The following DNAH8 variants were observed in gnomAD, a reference collection of about 807,000 sequenced individuals.
The protein encoded by DNAH8 is axonemal beta dynein heavy chain 8.
A neutral mutation model predicts 562.1 loss-of-function variants in DNAH8; 382 were observed. The ratio of observed to expected loss-of-function variants is 0.68; its 90% CI spans 0.63 to 0.74. The LOEUF is 0.74. Among genes scored for constraint, DNAH8 ranks in the 30% least tolerant of loss-of-function variants. The probability of loss-of-function intolerance (pLI) is 0.00; values close to 1 mark genes in which losing one functional copy is unlikely to be tolerated. For synonymous variants in DNAH8, 1,881 were observed against 1,919.4 expected, an observed-to-expected ratio of 0.98 and a Z score of 0.52; for missense variants, 5,203 against 5,620.4, an observed-to-expected ratio of 0.93 and a Z score of 2.37.
In DNAH8 at chr6:38,907,940, T is replaced by C. The variant is rs776404461; in HGVS notation, c.9349-16T>C. 1.9e-6 allele frequency: 3 copies of C among 1,572,424 alleles called. No homozygotes were observed. On this transcript the variant is annotated splice_polypyrimidine_tract_variant and intron_variant, in intron 63 of 92. Transcript: ENST00000327475. ...ACTCTTAAAACACAGAACACTTCCT[T>C]GTCCATTCCTTAAAGATCTCCAACT... is the stretch of plus-strand genomic sequence containing the variant.
intron 7 of DNAH8, among the ~76,000 whole-genome samples, chr6:38,740,586 A>G (rs1272657049): frequency 6.6e-6 from 1 of 152,088 alleles, no homozygotes; most frequent in Non-Finnish European, 1.5e-5. Flanking sequence ...TATTAATTGT[A>G]AAAAGTTTGT....
At chr6:38,926,590 A>C (rs573064862) in intron 74 of DNAH8, among the ~76,000 whole-genome samples, 24 of 152,280 alleles carry the variant, frequency 1.6e-4, no homozygotes, top group Admixed American at 4.6e-4. Context: ...TACTGAGTCC[A>C]GCTTTGGTGC....
intron 91 of DNAH8, among the ~76,000 whole-genome samples, chr6:39,025,139 C>G (rs1366645726): frequency 1.3e-5 from 2 of 152,242 alleles, no homozygotes; most frequent in East Asian, 1.9e-4. Context: ...ACTCCACACT[C>G]TCTCAGCCAT....
rs753974456 is a variant in DNAH8 at position 38,734,528 on chromosome 6, A to G, written c.665A>G (p.Tyr222Cys). ...ATKGAKMMKL[Y>C]IDNAAPDKLK... The stretch of plus-strand genomic sequence containing the variant: ...AAAGGGGCAAAAATGATGAAATTGT[A>G]TATAGACAATGCAGCCCCGGATAAA... Residue 222 changes from tyrosine to cysteine, a missense_variant, in exon 5 of 93, where the codon TAT becomes TGT. Around this residue, in one of 6 missense-constraint regions of DNAH8, gnomAD observed 556 missense variants for 496.9 expected, o/e 1.12. Coordinates refer to ENST00000327475, the MANE Select transcript of DNAH8 (RefSeq NM_001206927.2). The G allele has an allele frequency of 5.1e-5, 82 of 1,613,998 alleles. 2 individuals carry two copies. In the South Asian group the frequency reaches 8.6e-4, roughly 17 times the overall value.
rs1328443336 is a variant in DNAH8 at position 38,924,000 on chromosome 6, T to A, written c.10800T>A (p.Gly3600=). The change falls in exon 73 of 93, where the codon GGT becomes GGA. Residue 3600 remains glycine, a synonymous_variant. Transcript: ENST00000327475. ...EFKAQINRLV[G]DILLCTGFLS... ...TGTGTTTTCTTCACAGACTTGTAGG[T>A]GATATTCTGCTGTGCACGGGATTCC... 34 of 1,613,812 alleles carry A rather than the reference T, an allele frequency of 2.1e-5. No homozygotes were observed. The highest frequency in any genetic ancestry group is 2.9e-5 in the Non-Finnish European group (34 of 1,179,888).
At chr6:38,733,779 C>G (rs1246381968) in intron 4 of DNAH8, among the ~76,000 whole-genome samples, 1 of 151,720 alleles carries the variant, frequency 6.6e-6, no homozygotes, top group Non-Finnish European at 1.5e-5. Flanking sequence ...GGCATGATGG[C>G]GCGTGCTTGT....
intron 13 of DNAH8, among the ~76,000 whole-genome samples, chr6:38,776,473 C>T (rs1051924413): frequency 6.6e-6 from 1 of 152,166 alleles, no homozygotes; most frequent in African/African-American, 2.4e-5. Flanking sequence ...CCACCTCGGC[C>T]TCCCAAAGTG....
chr6:38,881,814 G>A (rs867349435), intron 53 of DNAH8, among the ~76,000 whole-genome samples: 9 of 152,204 alleles, frequency 5.9e-5, no homozygotes, highest in African/African-American at 2.2e-4. Flanking sequence ...GCCTCCCAAA[G>A]TGCTGGGTTT....
At chr6:38,791,505 G>A in intron 20 of DNAH8, 50 bp from the exon 21 acceptor site, 1 of 1,561,368 alleles carries the variant, frequency 6.4e-7, no homozygotes, top group Non-Finnish European at 8.6e-7. Flanking sequence ...TGAAAACCTA[G>A]CTCTAAAGGA....
intron 88 of DNAH8, among the ~76,000 whole-genome samples, chr6:38,999,197 G>C (rs1382175408): frequency 6.6e-6 from 1 of 152,122 alleles, no homozygotes; most frequent in African/African-American, 2.4e-5. Flanking sequence ...TGATTTATTA[G>C]GTGGGATCTA....
At chr6:38,938,346 C>A in intron 78 of DNAH8, 120 bp downstream of exon 78, 1 of 1,168,300 alleles carries the variant, frequency 8.6e-7, no homozygotes, top group Non-Finnish European at 1.2e-6. Context: ...AACCTAAATG[C>A]CCATCAACAG....
chr6:38,805,401 C>T (rs978084050), intron 22 of DNAH8, 80 bp from the exon 23 acceptor site: 1 of 846,372 alleles, frequency 1.2e-6, no homozygotes, highest in African/African-American at 1.7e-5. Context: ...AAGGAACTTC[C>T]TAAGAGGATT....
chr6:38,792,197 C>T (rs928897376), intron 21 of DNAH8, among the ~76,000 whole-genome samples: 2 of 152,164 alleles, frequency 1.3e-5, no homozygotes, highest in Non-Finnish European at 2.9e-5. Context: ...AAGTGATTCT[C>T]CTGCTTCAGC....
At position 38,722,877 on chromosome 6, in the gene DNAH8, C is replaced by T; in HGVS notation, c.68C>T (p.Ala23Val). The T allele has an allele frequency of 1.2e-6, 2 of 1,611,786 alleles. No homozygotes were observed. Among genetic ancestry groups the T allele is most frequent in the Non-Finnish European group, 8.5e-7 (1 of 1,179,408 alleles). The change falls in exon 2 of 93, where the codon GCT (alanine) becomes GTT (valine). Residue 23 changes from alanine to valine, a missense_variant. Ala to Val is a moderately conservative substitution (Grantham distance 64). Transcript: ENST00000327475. ...GAEAPPSTEE[A>V]APPRSEEEEA... Reference sequence around the variant, plus strand: ...GAGGCTCCTCCCTCTACGGAAGAGGCTGCCCCTCCCCGTTCAGAAGAGGAA... The same window carrying T: ...GAGGCTCCTCCCTCTACGGAAGAGGTTGCCCCTCCCCGTTCAGAAGAGGAA...
At chr6:38,896,614 CAA>C (rs1042787016) in intron 60 of DNAH8, among the ~76,000 whole-genome samples, 2 of 150,284 alleles carry the variant, frequency 1.3e-5, no homozygotes, top group African/African-American at 2.4e-5. Flanking sequence ...AACAAAAAAA[CAA>C]AAAAGAGAGA....
chr6:38,887,833 CTTT>C (rs538279493), intron 57 of DNAH8, among the ~76,000 whole-genome samples: 60 of 120,820 alleles, frequency 5.0e-4, no homozygotes, highest in Middle Eastern at 4.7e-3. Flanking sequence ...AAAGGGCAGA[CTTT>C]TTTTTTTTTT....
rs1399976095 is a variant in DNAH8 at position 39,012,535 on chromosome 6, T to C, written c.13612T>C (p.Phe4538Leu). Residue 4538 changes from phenylalanine to leucine, a missense_variant, in exon 91 of 93, where the codon TTC becomes CTC. By Grantham distance (22) the Phe-to-Leu change is conservative. This residue lies in a region of DNAH8 where 1,399 missense variants were observed against 1,518.4 expected (regional missense o/e 0.92). Coordinates refer to ENST00000327475, the MANE Select transcript of DNAH8 (RefSeq NM_001206927.2). Reference protein sequence around the residue: ...RVSWDSSTLGFWFTELLERNA... With the variant: ...RVSWDSSTLGLWFTELLERNA... ...GTCTTGGGATTCGTCCACACTGGGC[T>C]TCTGGTTCACTGAACTTTTGGAAAG... 3.1e-6 allele frequency: 5 copies of C among 1,614,034 alleles called. No individual in the cohort carries two copies.
At chr6:38,796,080 C>A (rs1297107733) in intron 21 of DNAH8, among the ~76,000 whole-genome samples, 1 of 152,136 alleles carries the variant, frequency 6.6e-6, no homozygotes, top group Non-Finnish European at 1.5e-5. Context: ...AATGGGTGTG[C>A]TAGAAGGATG....
Position 38,909,559 on chromosome 6 carries a change from C to T in DNAH8, c.9555C>T (p.Gly3185=). The change falls in exon 65 of 93, where the codon GGC becomes GGT. Residue 3185 remains glycine (G), a synonymous_variant. Coordinates refer to ENST00000327475, the MANE Select transcript of DNAH8 (RefSeq NM_001206927.2). ...KFRARSLKFP[G]LISGCTMDWF... is the part of the protein sequence containing the mutation. The stretch of plus-strand genomic sequence containing the variant: ...GTGCCCGTTCTTTGAAATTTCCTGG[C>T]TTGATATCAGGTTGCACTATGGACT... 1 of 1,614,100 alleles carries T rather than the reference C, an allele frequency of 6.2e-7. No homozygotes were observed. Among genetic ancestry groups the T allele is most frequent in the Non-Finnish European group, 8.5e-7 (1 of 1,179,992 alleles).
Sources: allele counts gnomAD v4.1 joint callset (sites outside exome capture counted in the v4.1 genomes callset), GRCh38; gene constraint gnomAD v4.1.1; regional missense constraint gnomAD v4.1.1; transcripts MANE v1.5; gene names NCBI Gene and HGNC (gene_info 2026-07-23, HGNC 2026-07-21).